The following EIPR1 variants were observed in gnomAD, a reference collection of about 807,000 sequenced individuals.
The protein encoded by EIPR1 is EARP and GARP complex-interacting protein 1.
EIPR1 carries 25 observed loss-of-function variants against 48.1 expected under a neutral mutation model. The ratio of observed to expected loss-of-function variants is 0.52; its 90% CI spans 0.38 to 0.73. EIPR1 has a LOEUF of 0.73. Among genes scored for constraint, EIPR1 ranks in the 30% least tolerant of loss-of-function variants. The probability of loss-of-function intolerance (pLI) is 0.00; values close to 1 mark genes in which losing one functional copy is unlikely to be tolerated. For missense variants in EIPR1, 415 were observed against 506.2 expected (o/e 0.82, Z 1.73); for synonymous variants, 204 against 201.9 (o/e 1.01, Z -0.09).
chr2:3,235,082 C>T (rs1023977935), intron 4 of EIPR1, among the ~76,000 whole-genome samples: 6 of 152,240 alleles, frequency 3.9e-5, no homozygotes, highest in Non-Finnish European at 8.8e-5. Context: ...CAAGTTAGAA[C>T]AGTTTCAGAC....
At chr2:3,297,043 C>G (rs1026808279) in intron 3 of EIPR1, among the ~76,000 whole-genome samples, 4 of 126,820 alleles carry the variant, frequency 3.2e-5, no homozygotes, top group Non-Finnish European at 7.0e-5. Flanking sequence ...GGCAGTTTCT[C>G]TCTGTACCAG....
intron 2 of EIPR1, among the ~76,000 whole-genome samples, chr2:3,344,073 T>C (rs887783969): frequency 4.0e-5 from 6 of 151,856 alleles, no homozygotes; most frequent in Admixed American, 1.3e-4. Flanking sequence ...ATACCACATA[T>C]AAATAAGACT....
intron 3 of EIPR1, among the ~76,000 whole-genome samples, chr2:3,275,414 C>A (rs143691164): frequency 4.7e-5 from 7 of 150,132 alleles, no homozygotes; most frequent in Non-Finnish European, 1.0e-4. Flanking sequence ...ATAGAGGAAT[C>A]CAATATCATA....
chr2:3,349,015 T>G (rs539558252), intron 2 of EIPR1, among the ~76,000 whole-genome samples: 21 of 152,232 alleles, frequency 1.4e-4, no homozygotes, highest in African/African-American at 4.3e-4. Flanking sequence ...GCTGTCCTGA[T>G]TTTCAGGACA....
chr2:3,250,343 C>G (rs1666965281), intron 4 of EIPR1, among the ~76,000 whole-genome samples: 3 of 152,248 alleles, frequency 2.0e-5, no homozygotes, highest in Admixed American at 1.3e-4. Context: ...TTCAGACGTG[C>G]ATGGGGCCTG....
At chr2:3,260,787 T>C (rs1667311037) in intron 3 of EIPR1, among the ~76,000 whole-genome samples, 2 of 152,176 alleles carry the variant, frequency 1.3e-5, no homozygotes, top group East Asian at 1.9e-4. Flanking sequence ...TTATTAATAA[T>C]TGGAAGGAGG....
At chr2:3,226,909 C>G (rs892984510) in intron 4 of EIPR1, among the ~76,000 whole-genome samples, 1 of 152,228 alleles carries the variant, frequency 6.6e-6, no homozygotes, top group Admixed American at 6.5e-5. Context: ...GTAAGACATG[C>G]CTTTGTTCCT....
At chr2:3,267,769 AT>A (rs952834810) in intron 3 of EIPR1, among the ~76,000 whole-genome samples, 18 of 152,308 alleles carry the variant, frequency 1.2e-4, no homozygotes, top group Admixed American at 2.6e-4. Context: ...GTGGTTCTGC[AT>A]TTTTAAAGGG....
chr2:3,192,377 G>T, intron 8 of EIPR1, 37 bp downstream of exon 8: 2 of 1,546,638 alleles, frequency 1.3e-6, no homozygotes, highest in Non-Finnish European at 1.7e-6. Context: ...AGGAGGCTCT[G>T]GTACAGCGTG....
intron 3 of EIPR1, among the ~76,000 whole-genome samples, chr2:3,263,126 T>C (rs1572370963): frequency 1.3e-5 from 2 of 152,306 alleles, no homozygotes; most frequent in South Asian, 2.1e-4. Flanking sequence ...TGGCAGGCGC[T>C]GTCAGACGGC....
At chr2:3,367,936 T>C (rs1671015787) in intron 1 of EIPR1, among the ~76,000 whole-genome samples, 2 of 152,052 alleles carry the variant, frequency 1.3e-5, no homozygotes, top group Non-Finnish European at 2.9e-5. Flanking sequence ...ACCCAGCTAC[T>C]CAGGAGGCTG....
chr2:3,218,412 A>T (rs1310699366), intron 4 of EIPR1, among the ~76,000 whole-genome samples: 65 of 120,110 alleles, frequency 5.4e-4, no homozygotes, highest in South Asian at 1.5e-3. Context: ...GCTCTAGAGC[A>T]TTCACAGTGA....
intron 4 of EIPR1, 60 bp from the exon 5 acceptor site, chr2:3,214,308 G>A (rs1215244706): frequency 1.8e-5 from 27 of 1,497,346 alleles, no homozygotes; most frequent in Non-Finnish European, 2.3e-5. Context: ...AGGCTGGTAG[G>A]TAAGAGCTGT....
chr2:3,200,770 C>G (rs1665005672), intron 5 of EIPR1, among the ~76,000 whole-genome samples: 1 of 152,106 alleles, frequency 6.6e-6, no homozygotes, highest in Admixed American at 6.5e-5. Context: ...GTCTGGTAGG[C>G]TCACCAAGGC....
chr2:3,222,317 G>A (rs867162747), intron 4 of EIPR1, among the ~76,000 whole-genome samples: 12 of 152,228 alleles, frequency 7.9e-5, no homozygotes, highest in African/African-American at 1.9e-4. Flanking sequence ...CTCTGCATGC[G>A]ACTGATTTTA....
Position 3,189,535 on chromosome 2 carries a change from G to A in EIPR1, c.990-27C>T. 6.6e-7 allele frequency: 1 copy of A among 1,524,418 alleles called. No homozygotes were observed. Among genetic ancestry groups the A allele is most frequent in the South Asian group, 1.2e-5 (1 of 82,020 alleles). The allele number at this position is 1,524,418 out of a possible 1,614,324, so 94.4% of individuals were successfully genotyped here. On this transcript the variant is annotated intron_variant, in intron 8 of 8. Coordinates refer to ENST00000382125, the MANE Select transcript of EIPR1 (RefSeq NM_003310.5). The surrounding 1 kb of genome is among the most constrained non-coding windows in gnomAD (Gnocchi z 4.6). ...TGCAATGCAACAGAGGCAGACGTGA[G>A]CGCAGCAGCTCCGGCGGGGCGGGCA...
intron 3 of EIPR1, among the ~76,000 whole-genome samples, chr2:3,269,521 A>AATC (rs1300084968): frequency 0.018 from 1,421 of 78,890 alleles, 22 homozygotes; most frequent in Non-Finnish European, 0.022. Flanking sequence ...CATCACACTC[A>AATC]ATCATCGCAC....
chr2:3,248,597 A>G (rs1473152070), intron 4 of EIPR1, among the ~76,000 whole-genome samples: 1 of 150,934 alleles, frequency 6.6e-6, no homozygotes, highest in African/African-American at 2.4e-5. Context: ...CCGTCTCGAA[A>G]AAGAAAAAAA....
chr2:3,350,117 CAAAAAAAAAAAAAAA>C (rs35912767), intron 2 of EIPR1, among the ~76,000 whole-genome samples: 8 of 57,462 alleles, frequency 1.4e-4, no homozygotes, highest in African/African-American at 5.3e-4. Flanking sequence ...GACTCTGTCT[CAAAAAAAAAAAAAAA>C]AAAAAAAAAA....
Sources: allele counts gnomAD v4.1 joint callset (sites outside exome capture counted in the v4.1 genomes callset), GRCh38; gene constraint gnomAD v4.1.1; non-coding constraint Gnocchi (gnomAD v3.1); transcripts MANE v1.5; gene names NCBI Gene and HGNC (gene_info 2026-07-23, HGNC 2026-07-21).